The following ZNF516 variants were observed in gnomAD, a reference collection of about 807,000 sequenced individuals.
ZNF516 encodes the protein zinc finger protein 516.
A neutral mutation model predicts 79.7 loss-of-function variants in ZNF516; 19 were observed. That is an observed-to-expected ratio of 0.24 (90% CI 0.17 to 0.35). ZNF516 has a LOEUF of 0.35. Ranked by LOEUF, ZNF516 falls within the 10% of genes least tolerant of loss-of-function variation. The pLI is 1.00. For missense variants in ZNF516, 1,678 were observed against 1,679.5 expected, an observed-to-expected ratio of 1.00 and a Z score of 0.02; for synonymous variants, 877 against 739.5, an observed-to-expected ratio of 1.19 and a Z score of -3.02.
chr18:76,450,184 A>AGGGGGGG (rs55928843), intron 2 of ZNF516, among the ~76,000 whole-genome samples: 3 of 103,236 alleles, frequency 2.9e-5, no homozygotes, highest in African/African-American at 7.2e-5. Flanking sequence ...ATGAAACTAA[A>AGGGGGGG]GGGGGGGGGG....
At chr18:76,401,184 A>G (rs985556641) in intron 3 of ZNF516, among the ~76,000 whole-genome samples, 33 of 152,274 alleles carry the variant, frequency 2.2e-4, no homozygotes, top group African/African-American at 7.5e-4. Flanking sequence ...CACTAAAAAA[A>G]GAAATTTGCA....
chr18:76,373,764 T>C (rs1209773345), intron 4 of ZNF516, among the ~76,000 whole-genome samples: 3 of 152,218 alleles, frequency 2.0e-5, no homozygotes, highest in South Asian at 2.1e-4. Context: ...CACACACACA[T>C]ATGAGTTTCC....
At position 76,467,535 on chromosome 18, in the gene ZNF516, G is replaced by T. The variant is rs1913560471; in HGVS notation, c.-271-4394C>A. Among the ~76,000 whole-genome samples, 1 of 152,180 alleles carries T rather than the reference G, an allele frequency of 6.6e-6. No homozygotes were observed. The highest frequency in any genetic ancestry group is 1.5e-5 in the Non-Finnish European group (1 of 68,016). ...TCCACAGGTGCTGGGCTTTCCTGGA[G>T]GCTGCAAGTAAGTGCTCAGTCAAGG... On this transcript the variant is annotated intron_variant, in intron 1 of 6. Transcript: ENST00000443185. This position sits in a 1 kb window ranked among gnomAD's most constrained non-coding sequence, Gnocchi z 4.2.
intron 3 of ZNF516, among the ~76,000 whole-genome samples, chr18:76,409,027 AT>A (rs778580629): frequency 2.6e-4 from 40 of 151,980 alleles, no homozygotes; most frequent in Non-Finnish European, 3.4e-4. Flanking sequence ...TATAAAAAAA[AT>A]CATAAAAGTT....
rs114273908 is a variant in ZNF516, at chr18:76,459,845, G to T, written c.-158+3183C>A. On this transcript the variant is annotated intron_variant, in intron 2 of 6. Transcript: ENST00000443185. The surrounding 1 kb of genome is among the most constrained non-coding windows in gnomAD (Gnocchi z 5.0). ...CAGGCAGGCTAAGAACAGGCGATCC[G>T]GCAGGCACAAGAAGGAACATACTGA... Among the ~76,000 whole-genome samples, 1 of 152,162 alleles carries T rather than the reference G, an allele frequency of 6.6e-6. No homozygotes were observed. The highest frequency in any genetic ancestry group is 1.5e-5 in the Non-Finnish European group (1 of 68,036).
chr18:76,480,466 C>CAT (rs1284295949), intron 1 of ZNF516, among the ~76,000 whole-genome samples: 6 of 150,048 alleles, frequency 4.0e-5, no homozygotes, highest in East Asian at 2.0e-4. Context: ...CTGGTTTTTA[C>CAT]ATATATATAC....
In ZNF516 at chr18:76,419,744, A is replaced by G. The variant is rs1403151215; in HGVS notation, c.1810+21501T>C. The stretch of plus-strand genomic sequence containing the variant: ...TCCTTCACCTTCTACCATGATTGTG[A>G]GGCCTCCCCAGACACATGGAACTGT... On this transcript the variant is annotated intron_variant, in intron 3 of 6. Transcript: ENST00000443185. 2.0e-5 allele frequency among the ~76,000 whole-genome samples: 3 copies of G among 152,364 alleles called. No homozygotes were observed. The East Asian group carries it at 5.8e-4, about 29-fold the overall frequency.
intron 2 of ZNF516, among the ~76,000 whole-genome samples, chr18:76,449,690 C>T (rs1256245748): frequency 1.3e-5 from 2 of 152,242 alleles, no homozygotes; most frequent in South Asian, 2.1e-4. Flanking sequence ...TGTAAATCTT[C>T]AATCCATCTT....
intron 5 of ZNF516, 115 bp downstream of exon 5, chr18:76,371,352 G>T: frequency 9.2e-7 from 1 of 1,091,618 alleles, no homozygotes; most frequent in Non-Finnish European, 1.3e-6. Flanking sequence ...GCCCCCCGCC[G>T]CCTGGTAGGG....
chr18:76,447,564 G>A (rs558751489), intron 2 of ZNF516, among the ~76,000 whole-genome samples: 51 of 152,344 alleles, frequency 3.3e-4, no homozygotes, highest in African/African-American at 1.2e-3. Context: ...ATGTGAGCCT[G>A]CCACCCAAAC....
intron 1 of ZNF516, among the ~76,000 whole-genome samples, chr18:76,481,836 C>T (rs1914540134): frequency 6.6e-6 from 1 of 152,160 alleles, no homozygotes; most frequent in African/African-American, 2.4e-5. Flanking sequence ...AATAAAATTT[C>T]TATTAATTTA....
Position 76,442,617 on chromosome 18 carries a change from G to C in ZNF516, c.438C>G (p.Ala146=). Reference sequence around the variant, plus strand: ...TCCGCAGCAGGACTCTGCCGCTGTCGGCCTGCGAGGCCCCGTTCAGGACCC... The same window carrying C: ...TCCGCAGCAGGACTCTGCCGCTGTCCGCCTGCGAGGCCCCGTTCAGGACCC... The part of the protein sequence containing the change: ...GARVLNGASQ[A]DSGRVLLRSS... Residue 146 remains alanine (A), a synonymous_variant, in exon 3 of 7, where the codon GCC becomes GCG. Coordinates refer to ENST00000443185, the MANE Select transcript of ZNF516 (RefSeq NM_014643.4). The C allele has an allele frequency of 1.3e-6, 2 of 1,596,126 alleles. No individual in the cohort carries two copies. Among genetic ancestry groups the C allele is most frequent in the African/African-American group, 1.3e-5 (1 of 74,954 alleles).
chr18:76,478,492 T>C (rs992392654), intron 1 of ZNF516, among the ~76,000 whole-genome samples: 4 of 152,224 alleles, frequency 2.6e-5, no homozygotes, highest in Admixed American at 6.5e-5. Context: ...AAATGAATTA[T>C]ATCACAATTA....
At chr18:76,437,710 A>G (rs928733427) in intron 3 of ZNF516, among the ~76,000 whole-genome samples, 1 of 152,100 alleles carries the variant, frequency 6.6e-6, no homozygotes, top group Non-Finnish European at 1.5e-5. Flanking sequence ...AATCATCTCT[A>G]GATTACTTAT....
At chr18:76,382,832 G>A (rs182480297) in intron 3 of ZNF516, among the ~76,000 whole-genome samples, 207 of 152,240 alleles carry the variant, frequency 1.4e-3, no homozygotes, top group African/African-American at 4.7e-3. Flanking sequence ...GATCATTTGG[G>A]ATCAGGAGTT....
chr18:76,378,642 G>A (rs983636396), intron 4 of ZNF516, among the ~76,000 whole-genome samples: 9 of 152,168 alleles, frequency 5.9e-5, no homozygotes, highest in Admixed American at 1.3e-4. Flanking sequence ...GGCATTCCCC[G>A]GCAGGGCAGA....
chr18:76,435,558 T>C (rs1421405133), intron 3 of ZNF516, among the ~76,000 whole-genome samples: 1 of 152,260 alleles, frequency 6.6e-6, no homozygotes, highest in Non-Finnish European at 1.5e-5. Flanking sequence ...GCTAAGATGC[T>C]GACTACATCA....
chr18:76,374,745 T>C (rs2074759839), intron 4 of ZNF516, among the ~76,000 whole-genome samples: 1 of 152,136 alleles, frequency 6.6e-6, no homozygotes, highest in South Asian at 2.1e-4. Context: ...AACTACAAAA[T>C]GATGCTACAG....
At chr18:76,373,753 GCACACACA>G (rs1469695244) in intron 4 of ZNF516, among the ~76,000 whole-genome samples, 1 of 152,240 alleles carries the variant, frequency 6.6e-6, no homozygotes, top group Admixed American at 6.5e-5. Flanking sequence ...GCTCACAAGT[GCACACACA>G]CATATGAGTT....
Sources: allele counts gnomAD v4.1 joint callset (sites outside exome capture counted in the v4.1 genomes callset), GRCh38; gene constraint gnomAD v4.1.1; non-coding constraint Gnocchi (gnomAD v3.1); transcripts MANE v1.5; gene names NCBI Gene and HGNC (gene_info 2026-07-23, HGNC 2026-07-21).